Variants in SAMMSON observed in about 807,000 individuals in gnomAD.
SAMMSON encodes survival associated mitochondrial melanoma specific oncogenic non-coding RNA.
chr3:70,193,761 G>A (rs1701149639), intron 4 of SAMMSON, among the ~76,000 whole-genome samples: 1 of 152,122 alleles, frequency 6.6e-6, no homozygotes, highest in Non-Finnish European at 1.5e-5. Context: ...CTTTACTTAA[G>A]TTTACATATT....
chr3:70,314,370 T>C (rs1415858052), intron 7 of SAMMSON, among the ~76,000 whole-genome samples: 2 of 152,230 alleles, frequency 1.3e-5, no homozygotes, highest in African/African-American at 4.8e-5. Context: ...TTTGTCTCTT[T>C]TCTATGCATA....
downstream of SAMMSON, among the ~76,000 whole-genome samples, chr3:70,391,152 A>G (rs567786639): frequency 1.3e-5 from 2 of 152,288 alleles, no homozygotes; most frequent in African/African-American, 2.4e-5. Flanking sequence ...TAGGAATTAC[A>G]TATGTTTATG....
At chr3:70,145,107 C>T (rs1252078377) in intron 4 of SAMMSON, among the ~76,000 whole-genome samples, 1 of 152,062 alleles carries the variant, frequency 6.6e-6, no homozygotes, top group Non-Finnish European at 1.5e-5. Context: ...ACTGCTGCAG[C>T]CATAGAAAAT....
intron 9 of SAMMSON, among the ~76,000 whole-genome samples, chr3:70,384,992 C>G (rs1703108421): frequency 6.6e-6 from 1 of 151,936 alleles, no homozygotes; most frequent in South Asian, 2.1e-4. Context: ...GCCACATGTG[C>G]CAGTGCTAAC....
intron 4 of SAMMSON, among the ~76,000 whole-genome samples, chr3:70,181,724 T>G (rs1456390567): frequency 6.6e-6 from 1 of 152,236 alleles, no homozygotes; most frequent in Non-Finnish European, 1.5e-5. Context: ...TAATTTCAAA[T>G]TGACTTTCTC....
At chr3:70,253,142 A>C (rs114103589) in intron 6 of SAMMSON, among the ~76,000 whole-genome samples, 109 of 152,336 alleles carry the variant, frequency 7.2e-4, no homozygotes, top group Non-Finnish European at 1.3e-3. Flanking sequence ...GGATTGTGAT[A>C]AGTGCTAAAG....
At chr3:70,325,797 C>T (rs893834341) in intron 7 of SAMMSON, among the ~76,000 whole-genome samples, 2 of 152,082 alleles carry the variant, frequency 1.3e-5, no homozygotes, top group Non-Finnish European at 2.9e-5. Context: ...GATTGTAAAT[C>T]ACATCTCTGT....
At chr3:70,025,829 G>C (rs1420310780) in intron 3 of SAMMSON, among the ~76,000 whole-genome samples, 3 of 152,116 alleles carry the variant, frequency 2.0e-5, no homozygotes, top group Non-Finnish European at 4.4e-5. Context: ...GTAAGCTAGA[G>C]AAAAGAAAAT....
At chr3:70,001,544 T>G (rs1346141556) in intron 1 of SAMMSON, among the ~76,000 whole-genome samples, 1 of 152,148 alleles carries the variant, frequency 6.6e-6, no homozygotes, top group Non-Finnish European at 1.5e-5. Flanking sequence ...TGGTTTACTA[T>G]GTGTACGCTT....
chr3:70,008,904 T>C (rs1415274252), intron 1 of SAMMSON, among the ~76,000 whole-genome samples: 1 of 152,192 alleles, frequency 6.6e-6, no homozygotes, highest in East Asian at 1.9e-4. Context: ...AATCATACGG[T>C]TTTTGTCTTT....
In SAMMSON at chr3:70,118,660, C is replaced by T. The variant is rs113422440; in HGVS notation, n.507+47095C>T. ...CTCTCAAACTGATTTAACCATGGCA[C>T]CCCGAGCCCTTTTTTAGCATCCAAC... On this transcript the variant is annotated intron_variant and non_coding_transcript_variant, in intron 4 of 9. Coordinates refer to ENST00000642114, the Ensembl canonical transcript of SAMMSON. Among the ~76,000 whole-genome samples the T allele has an allele frequency of 9.5e-3, 1,448 of 152,256 alleles. 16 individuals carry two copies. The highest frequency in any genetic ancestry group is 0.033 in the African/African-American group (1,358 of 41,538).
At chr3:70,340,397 T>TA (rs869049165) in intron 7 of SAMMSON, among the ~76,000 whole-genome samples, 1 of 151,448 alleles carries the variant, frequency 6.6e-6, no homozygotes, top group Non-Finnish European at 1.5e-5. Flanking sequence ...TATATATATA[T>TA]AAAAAAAGCA....
intron 6 of SAMMSON, among the ~76,000 whole-genome samples, chr3:70,277,426 T>C (rs1702038528): frequency 6.6e-6 from 1 of 152,222 alleles, no homozygotes; most frequent in Admixed American, 6.5e-5. Context: ...CACTGTTTGC[T>C]TACAAGGTAT....
At chr3:70,433,496 A>G (rs892706017) in intron 2 of SAMMSON, among the ~76,000 whole-genome samples, 2 of 151,990 alleles carry the variant, frequency 1.3e-5, no homozygotes, top group Non-Finnish European at 2.9e-5. Context: ...CTGTTTTTTA[A>G]TCAGATTGTT....
intron 2 of SAMMSON, among the ~76,000 whole-genome samples, chr3:70,424,437 A>G (rs192988426): frequency 1.5e-3 from 231 of 152,288 alleles, no homozygotes; most frequent in African/African-American, 5.4e-3. Context: ...ACATTTTTTC[A>G]AATGATAATG....
intron 4 of SAMMSON, among the ~76,000 whole-genome samples, chr3:70,093,904 T>G (rs1034226715): frequency 1.3e-5 from 2 of 152,174 alleles, no homozygotes; most frequent in African/African-American, 4.8e-5. Context: ...AAGTCCTCAG[T>G]CAAAGCCCTT....
chr3:70,304,108 A>T (rs1702377546), intron 7 of SAMMSON, among the ~76,000 whole-genome samples: 1 of 152,172 alleles, frequency 6.6e-6, no homozygotes, highest in Non-Finnish European at 1.5e-5. Flanking sequence ...GGTCTATGAA[A>T]GGCTCTAGGG....
At chr3:70,327,269 A>G (rs764053019) in intron 7 of SAMMSON, among the ~76,000 whole-genome samples, 1 of 152,210 alleles carries the variant, frequency 6.6e-6, no homozygotes, top group Non-Finnish European at 1.5e-5. Flanking sequence ...TCCACCATAA[A>G]CAACTTAAAA....
intron 7 of SAMMSON, among the ~76,000 whole-genome samples, chr3:70,306,948 T>C (rs775520225): frequency 2.6e-5 from 4 of 152,150 alleles, no homozygotes; most frequent in Non-Finnish European, 5.9e-5. Context: ...ACTTTGCTCA[T>C]ACAAATAAAT....
Sources: allele counts gnomAD v4.1 joint callset (sites outside exome capture counted in the v4.1 genomes callset), GRCh38; gene constraint gnomAD v4.1.1; transcripts MANE v1.5; gene names NCBI Gene and HGNC (gene_info 2026-07-23, HGNC 2026-07-21).